MYO18B: variants seen among roughly 807,000 people sequenced by gnomAD.
MYO18B encodes myosin XVIIIB.
In MYO18B, 204 loss-of-function variants were observed where a neutral mutation model predicts 273.0. The observed-to-expected ratio is 0.75, with a 90% CI of 0.67 to 0.84. The LOEUF (loss-of-function observed/expected upper bound fraction) is 0.84, where lower values mean the gene tolerates loss of function less well. Ranked by LOEUF, MYO18B falls within the 40% of genes least tolerant of loss-of-function variation. The pLI is 0.00. For synonymous variants in MYO18B, 1,330 were observed against 1,305.7 expected (o/e 1.02, Z -0.40); for missense variants, 3,212 against 3,287.6 (o/e 0.98, Z 0.56).
intron 3 of MYO18B, among the ~76,000 whole-genome samples, chr22:25,767,551 T>C (rs2086550756): frequency 6.6e-6 from 1 of 152,182 alleles, no homozygotes; most frequent in Non-Finnish European, 1.5e-5. Context: ...GTAGCCCAGA[T>C]AGACATAGAA....
chr22:25,979,179 C>T (rs571105949), intron 39 of MYO18B, among the ~76,000 whole-genome samples: 11 of 152,210 alleles, frequency 7.2e-5, no homozygotes, highest in Admixed American at 2.0e-4. Context: ...TCTGCAATCA[C>T]GTGGGCTAGT....
At chr22:25,762,419 T>G (rs1406531564) in intron 2 of MYO18B, among the ~76,000 whole-genome samples, 9 of 152,266 alleles carry the variant, frequency 5.9e-5, no homozygotes, top group African/African-American at 2.2e-4. Context: ...ACTGGTGACT[T>G]TTTTTTCTTC....
intron 39 of MYO18B, among the ~76,000 whole-genome samples, chr22:25,991,616 G>A (rs2093271401): frequency 6.6e-6 from 1 of 152,214 alleles, no homozygotes; most frequent in Non-Finnish European, 1.5e-5. Flanking sequence ...ACGAAGATGA[G>A]CACTGAGAGG....
chr22:26,016,329 C>A (rs550545009), intron 42 of MYO18B, among the ~76,000 whole-genome samples: 2 of 152,274 alleles, frequency 1.3e-5, no homozygotes, highest in Admixed American at 6.5e-5. Context: ...AAGTTCTATT[C>A]CCTTCTCTGT....
chr22:25,839,711 A>G (rs562846605), intron 17 of MYO18B, among the ~76,000 whole-genome samples: 1 of 152,136 alleles, frequency 6.6e-6, no homozygotes, highest in Non-Finnish European at 1.5e-5. Flanking sequence ...TCTATGTATG[A>G]TACGGGCTCA....
intron 34 of MYO18B, among the ~76,000 whole-genome samples, chr22:25,945,705 TCCCCTCG>T (rs2092696733): frequency 1.6e-4 from 4 of 25,482 alleles, no homozygotes; most frequent in African/African-American, 5.6e-4. Flanking sequence ...GCCTCCCCTC[TCCCCTCG>T]CCTCCCCTCC....
chr22:25,850,480 T>TA (rs1176978573), intron 20 of MYO18B, among the ~76,000 whole-genome samples: 2 of 152,198 alleles, frequency 1.3e-5, no homozygotes, highest in Admixed American at 6.5e-5. Flanking sequence ...GATGATAACA[T>TA]AGGCCCATGA....
At chr22:25,910,912 T>C (rs2146386600) in intron 32 of MYO18B, 34 bp from the exon 33 acceptor site, 1 of 1,513,146 alleles carries the variant, frequency 6.6e-7, no homozygotes. Flanking sequence ...GGAGTTCATT[T>C]ACCCTGTGAT....
In MYO18B at chr22:25,768,792, G is replaced by T. The variant is rs1306431316; in HGVS notation, c.876G>T (p.Thr292=). The change falls in exon 4 of 44, where the codon ACG becomes ACT. Residue 292 remains threonine (T), a synonymous_variant. Transcript: ENST00000335473. ...AEKEGAEPTN[T]VEKGNVSKDV... is the part of the protein sequence containing the mutation. ...AGGAGGGAGCAGAGCCCACAAACAC[G>T]GTGGAAAAGGGGAATGTCTCTAAGG... The T allele has an allele frequency of 1.9e-6, 3 of 1,609,498 alleles. No homozygotes were observed. In the South Asian group the frequency reaches 3.3e-5, roughly 18 times the overall value.
chr22:25,908,798 CTT>C (rs1395503749), intron 32 of MYO18B, among the ~76,000 whole-genome samples: 1 of 152,170 alleles, frequency 6.6e-6, no homozygotes, highest in African/African-American at 2.4e-5. Context: ...TATCCAAAGT[CTT>C]TGTAGCCATT....
intron 34 of MYO18B, among the ~76,000 whole-genome samples, chr22:25,936,894 T>G (rs2092585438): frequency 6.6e-6 from 1 of 152,104 alleles, no homozygotes; most frequent in Admixed American, 6.5e-5. Flanking sequence ...TAAACCTTAT[T>G]ACCTCCCCAA....
chr22:25,945,062 A>G (rs927169410), intron 34 of MYO18B, among the ~76,000 whole-genome samples: 1 of 152,138 alleles, frequency 6.6e-6, no homozygotes, highest in Non-Finnish European at 1.5e-5. Flanking sequence ...GAGAAAGAAA[A>G]GTGTGAGAAA....
chr22:25,823,916 C>T (rs568181137), intron 13 of MYO18B, among the ~76,000 whole-genome samples: 9 of 152,248 alleles, frequency 5.9e-5, no homozygotes, highest in Admixed American at 3.3e-4. Context: ...GGGAGCCCCG[C>T]GCTGTGGGGA....
chr22:25,763,140 C>T (rs2086384520), intron 2 of MYO18B, 91 bp from the exon 3 acceptor site: 1 of 1,488,470 alleles, frequency 6.7e-7, no homozygotes, highest in Non-Finnish European at 9.4e-7. Flanking sequence ...CTCCTCCGCC[C>T]CCTCCCAGGC....
chr22:26,052,191 G>A, the MYO18B span, among the ~76,000 whole-genome samples: 10 of 152,336 alleles, frequency 6.6e-5, no homozygotes, highest in South Asian at 2.1e-4. Flanking sequence ...AACCTCCCCA[G>A]TGTCTGTTGT....
intron 22 of MYO18B, among the ~76,000 whole-genome samples, chr22:25,870,988 A>G (rs1208851675): frequency 6.6e-6 from 1 of 152,208 alleles, no homozygotes; most frequent in Non-Finnish European, 1.5e-5. Context: ...ATAATAAAAT[A>G]TGACTATTAT....
At chr22:26,031,388 A>G (rs1438631557), downstream of MYO18B, among the ~76,000 whole-genome samples, 4 of 152,112 alleles carry the variant, frequency 2.6e-5, no homozygotes, top group African/African-American at 9.7e-5. Flanking sequence ...CAGCTGGGTA[A>G]ATTCCTTCTG....
At chr22:25,815,447 G>A (rs1365366298) in intron 12 of MYO18B, among the ~76,000 whole-genome samples, 1 of 152,168 alleles carries the variant, frequency 6.6e-6, no homozygotes, top group African/African-American at 2.4e-5. Flanking sequence ...CACACTCCTA[G>A]GTAGCTTGAC....
chr22:25,794,330 C>T (rs750264018), intron 11 of MYO18B, among the ~76,000 whole-genome samples: 22 of 151,918 alleles, frequency 1.4e-4, no homozygotes, highest in Non-Finnish European at 2.5e-4. Flanking sequence ...CCTCAGCTTC[C>T]TAAGTAGCTG....
Sources: gnomAD v4.1 joint callset for allele counts (sites outside exome capture counted in the v4.1 genomes callset) on GRCh38, gnomAD v4.1.1 for gene constraint, MANE v1.5 for transcripts, NCBI Gene and HGNC (gene_info 2026-07-23, HGNC 2026-07-21) for gene names.